PCDH9: variants seen among roughly 807,000 people sequenced by gnomAD.
The protein encoded by PCDH9 is protocadherin-9.
In PCDH9, 24 loss-of-function variants were observed where a neutral mutation model predicts 70.6. The ratio of observed to expected loss-of-function variants is 0.34; its 90% CI spans 0.25 to 0.48. The LOEUF (loss-of-function observed/expected upper bound fraction) is 0.48. PCDH9 is among the 20% of genes least tolerant of loss of function. The pLI is 0.99. For synonymous variants in PCDH9, 562 were observed against 558.5 expected, an observed-to-expected ratio of 1.01 and a Z score of -0.09; for missense variants, 1,281 against 1,503.6, an observed-to-expected ratio of 0.85 and a Z score of 2.45.
At chr13:66,981,960 C>T (rs182427141) in intron 2 of PCDH9, among the ~76,000 whole-genome samples, 66 of 152,188 alleles carry the variant, frequency 4.3e-4, no homozygotes, top group Middle Eastern at 6.8e-3. Flanking sequence ...TGGTCCCCCG[C>T]CCAAATCTCA....
chr13:66,970,085 A>T (rs1184381952), intron 2 of PCDH9, among the ~76,000 whole-genome samples: 2 of 152,172 alleles, frequency 1.3e-5, no homozygotes, highest in East Asian at 3.9e-4. Context: ...TGCCTCAGAC[A>T]TTCTTGCAAA....
chr13:66,645,517 T>A (rs2077759356), intron 3 of PCDH9, among the ~76,000 whole-genome samples: 1 of 152,052 alleles, frequency 6.6e-6, no homozygotes, highest in Admixed American at 6.6e-5. Context: ...AGAAAGTAGC[T>A]AAATTATGAG....
intron 3 of PCDH9, among the ~76,000 whole-genome samples, chr13:66,783,103 T>G (rs1440351152): frequency 1.3e-5 from 2 of 152,136 alleles, no homozygotes; most frequent in Non-Finnish European, 2.9e-5. Context: ...GCATGCTACT[T>G]CGTCTTTTTT....
At chr13:66,639,784 T>G (rs2077685478) in intron 3 of PCDH9, among the ~76,000 whole-genome samples, 1 of 152,180 alleles carries the variant, frequency 6.6e-6, no homozygotes, top group African/African-American at 2.4e-5. Context: ...TTAAAAATTG[T>G]CTGCATTGTT....
chr13:66,956,864 C>G (rs950616486), intron 2 of PCDH9, among the ~76,000 whole-genome samples: 3 of 152,150 alleles, frequency 2.0e-5, no homozygotes, highest in Non-Finnish European at 4.4e-5. Context: ...CCCTCTCCCC[C>G]CACCAAAACA....
chr13:66,944,567 A>T (rs1305321229), intron 2 of PCDH9, among the ~76,000 whole-genome samples: 2 of 151,836 alleles, frequency 1.3e-5, no homozygotes, highest in Admixed American at 6.6e-5. Context: ...TTGGAAGGGG[A>T]TGTGGTCATG....
At chr13:66,580,119 T>C (rs1437771332) in intron 4 of PCDH9, among the ~76,000 whole-genome samples, 1 of 152,080 alleles carries the variant, frequency 6.6e-6, no homozygotes, top group Non-Finnish European at 1.5e-5. Flanking sequence ...AGTAAATGAA[T>C]ATTTTAATTA....
intron 3 of PCDH9, among the ~76,000 whole-genome samples, chr13:66,851,573 C>CCA (rs1394604374): frequency 1.8e-5 from 2 of 109,052 alleles, no homozygotes; most frequent in South Asian, 3.0e-4. Flanking sequence ...CCCGCATCAC[C>CCA]CTCACACACA....
intron 4 of PCDH9, among the ~76,000 whole-genome samples, chr13:66,395,417 A>G (rs1235177158): frequency 6.6e-6 from 1 of 152,114 alleles, no homozygotes; most frequent in African/African-American, 2.4e-5. Flanking sequence ...CCTGGCCAAG[A>G]TGGTGAAACC....
chr13:66,571,070 T>C (rs1324521167), intron 4 of PCDH9, among the ~76,000 whole-genome samples: 2 of 152,112 alleles, frequency 1.3e-5, no homozygotes, highest in Admixed American at 1.3e-4. Context: ...GGCATAGATA[T>C]AAAATCTTAC....
chr13:67,085,645 T>C (rs568656884), intron 2 of PCDH9, among the ~76,000 whole-genome samples: 2 of 152,200 alleles, frequency 1.3e-5, no homozygotes, highest in Non-Finnish European at 2.9e-5. Flanking sequence ...GACAAGTTAT[T>C]GAATGTGCTT....
intron 2 of PCDH9, chr13:67,220,585 A>T (rs1263796367): frequency 6.6e-6 from 1 of 152,068 alleles, no homozygotes; most frequent in Non-Finnish European, 1.5e-5. Context: ...TTTTCAAAGT[A>T]ATTTCAATGA....
chr13:66,444,113 C>T (rs559876190), intron 4 of PCDH9, among the ~76,000 whole-genome samples: 22 of 152,258 alleles, frequency 1.4e-4, no homozygotes, highest in Non-Finnish European at 3.1e-4. Flanking sequence ...TTGTGCCCCA[C>T]GGAGACTAAG....
chr13:66,736,923 T>G (rs1593977464), intron 3 of PCDH9, among the ~76,000 whole-genome samples: 1 of 152,190 alleles, frequency 6.6e-6, no homozygotes, highest in Non-Finnish European at 1.5e-5. Context: ...TGCCACCTTC[T>G]TTATCAGGCA....
In PCDH9 at chr13:66,530,111, T is replaced by C. The variant is rs187438582; in HGVS notation, c.3340+101099A>G. Among the ~76,000 whole-genome samples the C allele has an allele frequency of 1.1e-3, 165 of 152,218 alleles. 1 individual carries two copies. The highest frequency in any genetic ancestry group is 3.9e-3 in the African/African-American group (161 of 41,572). ...CTGGAGTTTATTAAGAAATGATATC[T>C]CTGCTTCCAATTTCAAACAAAAATG... On this transcript the variant is annotated intron_variant, in intron 4 of 4. Transcript: ENST00000377865.
chr13:66,595,513 T>C (rs1342192697), intron 4 of PCDH9, among the ~76,000 whole-genome samples: 1 of 151,744 alleles, frequency 6.6e-6, no homozygotes, highest in African/African-American at 2.4e-5. Context: ...AGTCTCTTAG[T>C]GGATGGCTTA....
At chr13:66,491,399 G>GTGTGTGTGTGTGTGTA (rs1555299302) in intron 4 of PCDH9, among the ~76,000 whole-genome samples, 1 of 151,186 alleles carries the variant, frequency 6.6e-6, no homozygotes, top group Non-Finnish European at 1.5e-5. Flanking sequence ...GTGTGTGTGT[G>GTGTGTGTGTGTGTGTA]TGTGTGTGTG....
chr13:66,545,809 C>CT, intron 4 of PCDH9, among the ~76,000 whole-genome samples: 1 of 143,470 alleles, frequency 7.0e-6, no homozygotes, highest in African/African-American at 2.5e-5. Flanking sequence ...TTTTATTTTA[C>CT]TTTATTTTAT....
Position 67,225,820 on chromosome 13 carries a change from C to A in PCDH9, c.2621G>T (p.Arg874Met). The part of the protein sequence containing the change: ...KQNKKKKRKK[R>M]KSPKSSLLNF... ...CAAAAGAGAGCTTTTGGGAGACTTCCTTTTCTTTCTTTTCTTTTTCTTGTT... is the reference window on the plus strand; with the variant it reads ...CAAAAGAGAGCTTTTGGGAGACTTCATTTTCTTTCTTTTCTTTTTCTTGTT... The change falls in exon 2 of 5, where the codon AGG becomes ATG. Residue 874 changes from arginine to methionine, a missense_variant. Physicochemically the swap from Arg to Met is moderately conservative, Grantham distance 91 (BLOSUM62 -1). Transcript: ENST00000377865. The A allele has an allele frequency of 6.2e-7, 1 of 1,614,054 alleles. No homozygotes were observed. Among genetic ancestry groups the A allele is most frequent in the Non-Finnish European group, 8.5e-7 (1 of 1,179,996 alleles).
Sources: gnomAD v4.1 joint callset for allele counts (sites outside exome capture counted in the v4.1 genomes callset) on GRCh38, gnomAD v4.1.1 for gene constraint, MANE v1.5 for transcripts, NCBI Gene and HGNC (gene_info 2026-07-23, HGNC 2026-07-21) for gene names.